The following ESYT2 variants were observed in gnomAD, a reference collection of about 807,000 sequenced individuals.
The protein encoded by ESYT2 is extended synaptotagmin-2.
In ESYT2, 54 loss-of-function variants were observed where a neutral mutation model predicts 107.2. The ratio of observed to expected loss-of-function variants is 0.50; its 90% CI spans 0.40 to 0.63. ESYT2 has a LOEUF of 0.63. Among genes scored for constraint, ESYT2 ranks in the 30% least tolerant of loss-of-function variants. ESYT2 has a pLI of 0.00. For synonymous variants in ESYT2, 491 were observed against 434.1 expected (o/e 1.13, Z -1.63); for missense variants, 1,020 against 1,094.5 (o/e 0.93, Z 0.96).
chr7:158,817,182 G>C (rs1404930604), intron 1 of ESYT2, among the ~76,000 whole-genome samples: 1 of 152,206 alleles, frequency 6.6e-6, no homozygotes, highest in African/African-American at 2.4e-5. Context: ...ACGATGAGGG[G>C]GTGGGGCATC....
intron 4 of ESYT2, among the ~76,000 whole-genome samples, chr7:158,789,772 A>G (rs927973237): frequency 6.6e-6 from 1 of 152,246 alleles, no homozygotes; most frequent in African/African-American, 2.4e-5. Context: ...ATATTTGTTC[A>G]GAGACATAAA....
chr7:158,769,469 C>T lies in ESYT2; in HGVS notation c.804-1695G>A, dbSNP rs371327936. 2.8e-4 allele frequency among the ~76,000 whole-genome samples: 43 copies of T among 152,320 alleles called. No homozygotes were observed. The East Asian group carries it at 7.3e-3, about 26-fold the overall frequency. Reference sequence around the variant, plus strand: ...CACCCCACTACACCCTGCATGTCCCCGAACTGTGGATGTGGATGCTGCTCC... The same window carrying T: ...CACCCCACTACACCCTGCATGTCCCTGAACTGTGGATGTGGATGCTGCTCC... On this transcript the variant is annotated intron_variant, in intron 7 of 22. Transcript: ENST00000275418.
At chr7:158,792,155 G>T (rs1431889542) in intron 4 of ESYT2, among the ~76,000 whole-genome samples, 1 of 138,296 alleles carries the variant, frequency 7.2e-6, no homozygotes, top group African/African-American at 2.8e-5. Flanking sequence ...TTAGTTCCAC[G>T]AGTTCTTTTT....
intron 7 of ESYT2, among the ~76,000 whole-genome samples, chr7:158,768,393 A>G (rs1345448744): frequency 6.6e-5 from 10 of 152,234 alleles, no homozygotes; most frequent in African/African-American, 2.4e-4. Context: ...CTAAGTGAAT[A>G]AAATTGCTTA....
At chr7:158,778,963 T>C (rs75100625) in intron 6 of ESYT2, among the ~76,000 whole-genome samples, 3,586 of 152,160 alleles carry the variant, frequency 0.024, 52 homozygotes, top group Non-Finnish European at 0.036. Flanking sequence ...ACCCCTAGCC[T>C]GCTGTTACAT....
In ESYT2 at chr7:158,782,329, AAC is replaced by A. The variant is rs769315992; in HGVS notation, c.747+5673_747+5674del. ...ACAAGTGTGAGTGAACGAGTGTGAG[AAC>A]AGTGTGAGGTGTGAGTGTAAGAACG... On this transcript the variant is annotated intron_variant, in intron 6 of 22. Transcript: ENST00000275418. Among the ~76,000 whole-genome samples, 106 of 147,692 alleles carry A rather than the reference AAC, an allele frequency of 7.2e-4. No homozygotes were observed. In the East Asian group the frequency reaches 0.012, roughly 17 times the overall value.
At chr7:158,800,660 A>C (rs967557826) in intron 1 of ESYT2, among the ~76,000 whole-genome samples, 1 of 151,390 alleles carries the variant, frequency 6.6e-6, no homozygotes, top group Non-Finnish European at 1.5e-5. Context: ...CCTGTGTTGG[A>C]ATTACAAGTG....
chr7:158,749,644 C>A lies in ESYT2; in HGVS notation c.1557+5G>T. 1.2e-6 allele frequency: 2 copies of A among 1,613,894 alleles called. No individual in the cohort carries two copies. The highest frequency in any genetic ancestry group is 1.7e-6 in the Non-Finnish European group (2 of 1,179,930). On this transcript the variant is annotated splice_donor_5th_base_variant and intron_variant, in intron 15 of 22. Coordinates refer to ENST00000275418, the MANE Select transcript of ESYT2 (RefSeq NM_001367773.1). ...CCAAGGCTGAGTCCAGGGCGAGCAC[C>A]TTACCTTGCTCTCCTGGGCCTTGTG... is the stretch of plus-strand genomic sequence containing the variant.
At chr7:158,827,405 CT>C (rs1563045845) in intron 1 of ESYT2, 1 of 152,114 alleles carries the variant, frequency 6.6e-6, no homozygotes, top group Non-Finnish European at 1.5e-5. Context: ...CAAAACGTCA[CT>C]TTAAAGTCCT....
intron 6 of ESYT2, among the ~76,000 whole-genome samples, chr7:158,778,458 TAAAA>T (rs199845668): frequency 3.2e-5 from 4 of 125,528 alleles, no homozygotes; most frequent in African/African-American, 1.2e-4. Flanking sequence ...GATAAAAATG[TAAAA>T]AAAAAAAAAA....
At chr7:158,793,611 C>G in intron 4 of ESYT2, 39 bp downstream of exon 4, 1 of 1,450,974 alleles carries the variant, frequency 6.9e-7, no homozygotes, top group South Asian at 1.2e-5. Flanking sequence ...ACATTACACG[C>G]CATTAACCAT....
At chr7:158,739,252 A>C in intron 18 of ESYT2, 131 bp from the exon 19 acceptor site, 1 of 716,334 alleles carries the variant, frequency 1.4e-6, no homozygotes, top group Middle Eastern at 2.5e-4. Context: ...CCATGAACTT[A>C]AACATAATTT....
intron 1 of ESYT2, among the ~76,000 whole-genome samples, chr7:158,817,666 C>A (rs193288488): frequency 3.3e-5 from 5 of 152,338 alleles, no homozygotes; most frequent in Non-Finnish European, 7.3e-5. Flanking sequence ...TACAGGTCAA[C>A]CCCCTTGGGC....
At chr7:158,784,067 A>G (rs1839023014) in intron 6 of ESYT2, among the ~76,000 whole-genome samples, 1 of 152,062 alleles carries the variant, frequency 6.6e-6, no homozygotes, top group Non-Finnish European at 1.5e-5. Flanking sequence ...AGGGAGGAGG[A>G]GGAGGGTCTC....
intron 6 of ESYT2, among the ~76,000 whole-genome samples, chr7:158,782,865 C>G (rs547330406): frequency 6.6e-6 from 1 of 152,000 alleles, no homozygotes; most frequent in African/African-American, 2.4e-5. Flanking sequence ...TGAGAGAGAA[C>G]GAGTGTGTGG....
intron 22 of ESYT2, 46 bp from the exon 23 acceptor site, chr7:158,734,298 G>T: frequency 6.2e-7 from 1 of 1,613,612 alleles, no homozygotes; most frequent in Non-Finnish European, 8.5e-7. Context: ...ACAGGACCAA[G>T]TAGGAAAAGC....
chr7:158,770,529 T>C (rs1838326498), intron 7 of ESYT2, among the ~76,000 whole-genome samples: 1 of 151,298 alleles, frequency 6.6e-6, no homozygotes, highest in African/African-American at 2.4e-5. Flanking sequence ...ATATTTTTTT[T>C]CCTGAGACGG....
chr7:158,771,209 C>G (rs1324514283), intron 7 of ESYT2, among the ~76,000 whole-genome samples: 1 of 152,180 alleles, frequency 6.6e-6, no homozygotes, highest in Non-Finnish European at 1.5e-5. Flanking sequence ...TTCAGGTTGC[C>G]AGTATTAATA....
chr7:158,761,573 G>A, intron 10 of ESYT2, 29 bp from the exon 11 acceptor site: 5 of 1,590,844 alleles, frequency 3.1e-6, no homozygotes, highest in Non-Finnish European at 4.3e-6. Context: ...GACAACTTTA[G>A]AACATAGAAA....
Sources: allele counts gnomAD v4.1 joint callset (sites outside exome capture counted in the v4.1 genomes callset), GRCh38; gene constraint gnomAD v4.1.1; transcripts MANE v1.5; gene names NCBI Gene and HGNC (gene_info 2026-07-23, HGNC 2026-07-21).